Variants in ATAD1 observed in about 807,000 individuals in gnomAD.
The protein encoded by ATAD1 is outer mitochondrial transmembrane helix translocase.
ATAD1 carries 18 observed loss-of-function variants against 42.7 expected under a neutral mutation model. That is an observed-to-expected ratio of 0.42 (90% confidence interval 0.29 to 0.63). ATAD1 has a LOEUF of 0.63. Ranked by LOEUF, ATAD1 falls within the 20% of genes least tolerant of loss-of-function variation. The probability of loss-of-function intolerance (pLI) is 0.19; values close to 1 mark genes in which losing one functional copy is unlikely to be tolerated. For missense variants in ATAD1, 294 were observed against 440.4 expected (o/e 0.67, Z 2.98); for synonymous variants, 132 against 143.1 (o/e 0.92, Z 0.55).
intron 1 of ATAD1, among the ~76,000 whole-genome samples, chr10:87,825,000 T>C (rs1589573047): frequency 6.6e-6 from 1 of 152,248 alleles, no homozygotes; most frequent in East Asian, 1.9e-4. Flanking sequence ...CCATCATTAA[T>C]ATTGGCTGTT....
rs1187163092 is a variant in ATAD1 at position 87,796,717 on chromosome 10, TTC to T, written c.163-3964_163-3963del. 9.9e-5 allele frequency among the ~76,000 whole-genome samples: 15 copies of T among 152,282 alleles called. No individual in the cohort carries two copies. In the East Asian group the frequency reaches 2.7e-3, roughly 27 times the overall value. On this transcript the variant is annotated intron_variant, in intron 2 of 9. Transcript: ENST00000680024. ...TCACATTTTGGTGACCATGAAGGGATTCTGAGTGGAGGTGACCCTGACCTTTG... is the reference window on the plus strand; with the variant it reads ...TCACATTTTGGTGACCATGAAGGGATTGAGTGGAGGTGACCCTGACCTTTG...
intron 6 of ATAD1, among the ~76,000 whole-genome samples, chr10:87,775,420 CAAAAAAA>C (rs35200026): frequency 0.031 from 749 of 24,042 alleles, 15 homozygotes; most frequent in African/African-American, 0.091. Context: ...GACTCCATCT[CAAAAAAA>C]AAAAAAAAAA....
Position 87,756,899 on chromosome 10 carries a change from T to C in ATAD1, c.855A>G (p.Leu285=), listed in dbSNP as rs781366374. ...NENVDRHVDL[L]EVAQETDGFS... The stretch of plus-strand genomic sequence containing the variant: ...ACCCATCAGTTTCCTGGGCAACTTC[T>C]AGCAGGTCTACATGCCTATCCACCT... Residue 285 remains leucine, a synonymous_variant, in exon 9 of 10, where the codon CTA becomes CTG. Coordinates refer to ENST00000680024, the MANE Select transcript of ATAD1 (RefSeq NM_001321967.2). 11 of 1,610,696 alleles carry C rather than the reference T, an allele frequency of 6.8e-6. No homozygotes were observed. The highest frequency in any genetic ancestry group is 9.3e-6 in the Non-Finnish European group (11 of 1,178,786).
At chr10:87,760,943 A>T (rs865903473) in intron 8 of ATAD1, among the ~76,000 whole-genome samples, 2 of 152,202 alleles carry the variant, frequency 1.3e-5, no homozygotes, top group Non-Finnish European at 2.9e-5. Context: ...TCTTTTTAAA[A>T]TAAGCGAATC....
chr10:87,762,606 G>T (rs528877424), intron 8 of ATAD1, among the ~76,000 whole-genome samples: 1 of 151,490 alleles, frequency 6.6e-6, no homozygotes, highest in African/African-American at 2.4e-5. Flanking sequence ...CCAGGATTAC[G>T]GTTGCCAGCC....
chr10:87,756,729 C>A, intron 9 of ATAD1, 60 bp downstream of exon 9: 2 of 1,436,536 alleles, frequency 1.4e-6, no homozygotes, highest in East Asian at 2.5e-5. Flanking sequence ...ATAAAAGAAA[C>A]TAACCTAAAA....
intron 2 of ATAD1, among the ~76,000 whole-genome samples, chr10:87,806,172 C>T (rs1168431863): frequency 2.0e-5 from 3 of 152,126 alleles, no homozygotes; most frequent in Non-Finnish European, 4.4e-5. Flanking sequence ...CAGTGAACCA[C>T]TATGACTGTC....
At chr10:87,792,583 A>T in intron 3 of ATAD1, 74 bp downstream of exon 3, 1 of 1,127,888 alleles carries the variant, frequency 8.9e-7, no homozygotes, top group Non-Finnish European at 1.3e-6. Context: ...CGTGATCTTT[A>T]AGACCCCTGA....
intron 5 of ATAD1, among the ~76,000 whole-genome samples, chr10:87,780,347 G>C (rs549281207): frequency 6.6e-6 from 1 of 152,266 alleles, no homozygotes; most frequent in East Asian, 1.9e-4. Context: ...TTGTGTATGA[G>C]ACTGTAATGA....
chr10:87,785,346 A>G (rs1177618288), intron 4 of ATAD1, among the ~76,000 whole-genome samples: 1 of 150,912 alleles, frequency 6.6e-6, no homozygotes, highest in Non-Finnish European at 1.5e-5. Context: ...AAAATGAGAT[A>G]GCATTTTCTA....
At chr10:87,756,175 C>T (rs1207693688) in intron 9 of ATAD1, among the ~76,000 whole-genome samples, 4 of 152,136 alleles carry the variant, frequency 2.6e-5, no homozygotes, top group Non-Finnish European at 4.4e-5. Context: ...ATTCCTTTAA[C>T]ACAACCCCTA....
In ATAD1 at chr10:87,784,680, AAT is replaced by A; in HGVS notation, c.383-12_383-11del. 3 of 1,610,372 alleles carry A rather than the reference AAT, an allele frequency of 1.9e-6. No individual in the cohort carries two copies. The highest frequency in any genetic ancestry group is 2.5e-6 in the Non-Finnish European group (3 of 1,178,440). On this transcript the variant is annotated splice_polypyrimidine_tract_variant and intron_variant, in intron 4 of 9. Transcript: ENST00000680024. ...CCATAGAGAAGAACACCTGGAAATG[AAT>A]ATGTTATTTATTACCTTTAAGGGGA...
intron 8 of ATAD1, among the ~76,000 whole-genome samples, chr10:87,757,715 AT>A (rs1854287521): frequency 6.6e-6 from 1 of 152,198 alleles, no homozygotes; most frequent in South Asian, 2.1e-4. Context: ...TTACAGCAAC[AT>A]TTACTTTCCC....
At chr10:87,759,865 G>C in intron 8 of ATAD1, 1 of 390,748 alleles carries the variant, frequency 2.6e-6, no homozygotes, top group Admixed American at 2.7e-5. Context: ...CAAAATGCTT[G>C]GCACATAGCA....
intron 1 of ATAD1, among the ~76,000 whole-genome samples, chr10:87,834,690 T>C (rs1053887487): frequency 3.9e-5 from 6 of 152,130 alleles, no homozygotes; most frequent in Admixed American, 3.9e-4. Context: ...ATTTGTGAAT[T>C]TCATTGGTCT....
At chr10:87,812,786 C>T (rs1857247529) in intron 2 of ATAD1, among the ~76,000 whole-genome samples, 1 of 152,094 alleles carries the variant, frequency 6.6e-6, no homozygotes, top group Admixed American at 6.5e-5. Flanking sequence ...CTCAGTCCAC[C>T]CAACAAAACA....
At chr10:87,769,120 T>C (rs777631918) in intron 7 of ATAD1, among the ~76,000 whole-genome samples, 3 of 152,222 alleles carry the variant, frequency 2.0e-5, no homozygotes, top group Non-Finnish European at 4.4e-5. Flanking sequence ...TTGTACTAAC[T>C]ATTGGATTAG....
chr10:87,831,160 A>G (rs952572936), intron 1 of ATAD1, among the ~76,000 whole-genome samples: 7 of 152,226 alleles, frequency 4.6e-5, no homozygotes, highest in African/African-American at 1.4e-4. Flanking sequence ...AGCTACGTAA[A>G]GGAACTAGGA....
At chr10:87,794,296 A>C (rs1376439050) in intron 2 of ATAD1, among the ~76,000 whole-genome samples, 2 of 152,182 alleles carry the variant, frequency 1.3e-5, no homozygotes, top group East Asian at 3.8e-4. Flanking sequence ...TGCCCCTGTA[A>C]AGTCACTGAA....
Sources: gnomAD v4.1 joint callset for allele counts (sites outside exome capture counted in the v4.1 genomes callset) on GRCh38, gnomAD v4.1.1 for gene constraint, MANE v1.5 for transcripts, NCBI Gene and HGNC (gene_info 2026-07-23, HGNC 2026-07-21) for gene names.